The following THBS4 variants were observed in gnomAD, a reference collection of about 807,000 sequenced individuals.
THBS4 encodes the protein thrombospondin-4.
Under a neutral mutation model 115.7 loss-of-function variants are expected in THBS4, and 90 were observed. The ratio of observed to expected loss-of-function variants is 0.78; its 90% CI spans 0.66 to 0.93. THBS4 has a LOEUF of 0.93. Among genes scored for constraint, THBS4 ranks in the 40% least tolerant of loss-of-function variants. The probability of loss-of-function intolerance (pLI) is 0.00; values close to 1 mark genes in which losing one functional copy is unlikely to be tolerated. For missense variants in THBS4, 1,087 were observed against 1,232.7 expected, an observed-to-expected ratio of 0.88 and a Z score of 1.77; for synonymous variants, 460 against 479.3, an observed-to-expected ratio of 0.96 and a Z score of 0.53.
rs770037062 is a variant in THBS4, at chr5:80,082,529, C to T, written c.2808C>T (p.Leu936=). 6 of 1,614,196 alleles carry T rather than the reference C, an allele frequency of 3.7e-6. No homozygotes were observed. The highest frequency in any genetic ancestry group is 5.1e-6 in the Non-Finnish European group (6 of 1,180,038). ...AAGAAAACATCATCTGGTCCAACCT[C>T]AAGTATCGCTGCAATGGTAATGTGC... is the stretch of plus-strand genomic sequence containing the variant. The part of the protein sequence containing the change: ...FSQENIIWSN[L]KYRCNDTIPE... The change falls in exon 21 of 22, where the codon CTC becomes CTT. Residue 936 remains leucine, a synonymous_variant. Coordinates refer to ENST00000350881, the MANE Select transcript of THBS4 (RefSeq NM_003248.6).
intron 2 of THBS4, among the ~76,000 whole-genome samples, chr5:80,007,015 G>A (rs894546184): frequency 1.3e-5 from 2 of 152,184 alleles, no homozygotes; most frequent in Admixed American, 6.5e-5. Flanking sequence ...TGAACAAAGT[G>A]GACAAAAATT....
chr5:80,077,038 G>A lies in THBS4; in HGVS notation c.2076G>A (p.Glu692=). 1 of 1,604,184 alleles carries A rather than the reference G, an allele frequency of 6.2e-7. No individual in the cohort carries two copies. The highest frequency in any genetic ancestry group is 8.5e-7 in the Non-Finnish European group (1 of 1,174,790). The change falls in exon 16 of 22, where the codon GAG becomes GAA. Residue 692 remains glutamate, a synonymous_variant. Transcript: ENST00000350881. ...GGCTGGTCCCCAACCCAGCCCAGGA[G>A]GATAGCAACAGTAAGCAGGCTCAGC... The part of the protein sequence containing the change: ...NCRLVPNPAQ[E]DSNSDGVGDI...
chr5:80,039,441 GACAGAA>G (rs1832822828), intron 1 of THBS4, among the ~76,000 whole-genome samples: 1 of 152,228 alleles, frequency 6.6e-6, no homozygotes. Flanking sequence ...TCAGTCAAGA[GACAGAA>G]ACCACATCAT....
chr5:80,081,994 G>A (rs548857970), intron 20 of THBS4: 1 of 159,654 alleles, frequency 6.3e-6, no homozygotes, highest in Admixed American at 6.2e-5. Context: ...TCAGACCAAA[G>A]GAAAAGCCAA....
chr5:80,080,346 T>C, intron 20 of THBS4: 1 of 402,626 alleles, frequency 2.5e-6, no homozygotes, highest in South Asian at 3.4e-5. Context: ...GGTTGGTGCA[T>C]TTGGATGGCT....
chr5:80,010,781 G>A (rs149359971), intron 2 of THBS4, among the ~76,000 whole-genome samples: 1 of 152,368 alleles, frequency 6.6e-6, no homozygotes, highest in African/African-American at 2.4e-5. Flanking sequence ...TTGAAGCTGA[G>A]CTGGTCCTTC....
chr5:80,012,194 A>C (rs1832140969), intron 2 of THBS4, among the ~76,000 whole-genome samples: 1 of 152,212 alleles, frequency 6.6e-6, no homozygotes, highest in South Asian at 2.1e-4. Flanking sequence ...GAAATACTTA[A>C]GGGCCCACTC....
At chr5:80,044,569 C>T (rs1429111546) in intron 2 of THBS4, among the ~76,000 whole-genome samples, 3 of 151,924 alleles carry the variant, frequency 2.0e-5, no homozygotes, top group Admixed American at 6.6e-5. Flanking sequence ...ACTACATGTG[C>T]GCACCACTAC....
At chr5:80,049,371 C>T (rs1260166122) in intron 2 of THBS4, among the ~76,000 whole-genome samples, 1 of 152,136 alleles carries the variant, frequency 6.6e-6, no homozygotes, top group African/African-American at 2.4e-5. Context: ...TCAGGCAATC[C>T]TGAGTAGCTG....
At chr5:80,058,924 G>A (rs531591153) in intron 5 of THBS4, 134 bp downstream of exon 5, 15 of 754,982 alleles carry the variant, frequency 2.0e-5, no homozygotes, top group South Asian at 1.5e-4. Context: ...ACGCAGCCCC[G>A]CACGCCAGGG....
At chr5:80,079,587 C>G (rs1432888841) in intron 19 of THBS4, among the ~76,000 whole-genome samples, 1 of 152,228 alleles carries the variant, frequency 6.6e-6, no homozygotes, top group Non-Finnish European at 1.5e-5. Context: ...TGGGCTACTT[C>G]TGTCACTCCT....
At chr5:80,027,894 C>CAAAAAAAA (rs1159986888) in intron 2 of THBS4, among the ~76,000 whole-genome samples, 1 of 47,714 alleles carries the variant, frequency 2.1e-5, no homozygotes, top group Admixed American at 2.7e-4. Flanking sequence ...ACCCTGTCTC[C>CAAAAAAAA]AAAAAAAAAA....
At position 80,062,996 on chromosome 5, in the gene THBS4, C is replaced by T. The variant is rs576950936; in HGVS notation, c.1125+1164C>T. Among the ~76,000 whole-genome samples, 21 of 152,270 alleles carry T rather than the reference C, an allele frequency of 1.4e-4. 1 individual carries two copies. The South Asian group carries it at 3.7e-3, about 27-fold the overall frequency. On this transcript the variant is annotated intron_variant, in intron 8 of 21. Transcript: ENST00000350881. ...TGTGAATAGTGCCACAATAAATATA[C>T]GTGTCCATGTGTCTTTATAGCAGCA...
At chr5:80,054,157 T>TTA (rs1833343692) in intron 2 of THBS4, among the ~76,000 whole-genome samples, 1 of 62,300 alleles carries the variant, frequency 1.6e-5, no homozygotes, top group Non-Finnish European at 3.5e-5. Context: ...TTCTTTTCTT[T>TTA]TCTTTTTTTT....
chr5:80,071,866 C>T (rs1834073265), intron 13 of THBS4: 1 of 180,034 alleles, frequency 5.6e-6, no homozygotes, highest in Admixed American at 5.4e-5. Flanking sequence ...TTTCAAGCTA[C>T]CAATGTGACA....
At chr5:80,005,509 C>T (rs1042267417) in intron 2 of THBS4, among the ~76,000 whole-genome samples, 2 of 152,130 alleles carry the variant, frequency 1.3e-5, no homozygotes. Context: ...GCATCTTAAA[C>T]TTTGTAAAAA....
intron 2 of THBS4, among the ~76,000 whole-genome samples, chr5:80,051,000 C>T (rs937684774): frequency 6.6e-6 from 1 of 152,158 alleles, no homozygotes; most frequent in Admixed American, 6.5e-5. Flanking sequence ...CTGGCTTCTT[C>T]TTCCTTCCTG....
At chr5:80,042,190 C>G (rs2112037998) in intron 2 of THBS4, among the ~76,000 whole-genome samples, 1 of 152,304 alleles carries the variant, frequency 6.6e-6, no homozygotes, top group East Asian at 1.9e-4. Context: ...TCCCCATCTT[C>G]AGCCCTAATG....
At chr5:80,066,524 G>A (rs1833830831) in intron 9 of THBS4, 1 of 152,162 alleles carries the variant, frequency 6.6e-6, no homozygotes, top group African/African-American at 2.4e-5. Flanking sequence ...AGGATCATTT[G>A]GGTACAAGAG....
Sources: allele counts gnomAD v4.1 joint callset (sites outside exome capture counted in the v4.1 genomes callset), GRCh38; gene constraint gnomAD v4.1.1; transcripts MANE v1.5; gene names NCBI Gene and HGNC (gene_info 2026-07-23, HGNC 2026-07-21).